Variants in ANKRD53 observed in about 807,000 individuals in gnomAD.
ANKRD53 encodes ankyrin repeat domain-containing protein 53.
A neutral mutation model predicts 30.1 loss-of-function variants in ANKRD53; 27 were observed. That is an observed-to-expected ratio of 0.90 (90% CI 0.66 to 1.24). ANKRD53 has a LOEUF of 1.24. ANKRD53 is among the 50% of genes most tolerant of loss of function. ANKRD53 has a pLI of 0.00. For missense variants in ANKRD53, 682 were observed against 721.0 expected (o/e 0.95, Z 0.62); for synonymous variants, 286 against 295.4 (o/e 0.97, Z 0.33).
rs35678252 is a variant in ANKRD53, at chr2:70,985,491, AC to A, written c.*198del. 61 of 569,114 alleles carry A rather than the reference AC, an allele frequency of 1.1e-4. No homozygotes were observed. Among genetic ancestry groups the A allele is most frequent in the African/African-American group, 7.9e-4 (41 of 51,686 alleles). 35.3% of individuals were successfully genotyped at this position (569,114 alleles called of 1,614,324 possible). On this transcript the variant is annotated 3_prime_UTR_variant, in exon 6 of 6. Coordinates refer to ENST00000360589, the MANE Select transcript of ANKRD53 (RefSeq NM_001115116.2). Reference sequence around the variant, plus strand: ...TTTCTCTGCAAATAAATCTCTTGGCACCCCCCCACCGCCGCCAGGAAATCCA... The same window carrying A: ...TTTCTCTGCAAATAAATCTCTTGGCACCCCCCACCGCCGCCAGGAAATCCA...
In ANKRD53 at chr2:70,984,919, G is replaced by A. The variant is rs1670130522; in HGVS notation, c.1212G>A (p.Gln404=). The change falls in exon 6 of 6, where the codon CAG becomes CAA. Residue 404 remains glutamine, a synonymous_variant. Transcript: ENST00000360589. ...CCACCACCCAGATCAGCCACTCGCA[G>A]GGCATCCGCCTGGGCGTGCATCCAG... is the stretch of plus-strand genomic sequence containing the variant. ...RPPTTQISHS[Q]GIRLGVHPDP... 1.3e-6 allele frequency: 2 copies of A among 1,550,918 alleles called. No homozygotes were observed. The highest frequency in any genetic ancestry group is 4.9e-5 in the East Asian group (2 of 40,890).
upstream of ANKRD53, chr2:70,978,557 G>C (rs1669893674): frequency 7.3e-7 from 1 of 1,370,776 alleles, no homozygotes. This position sits in a 1 kb window ranked among gnomAD's most constrained non-coding sequence, Gnocchi z 4.3. Flanking sequence ...GGAAACCGCG[G>C]CCAGCTGGCA....
upstream of ANKRD53, chr2:70,978,496 T>C: frequency 1.1e-6 from 1 of 944,546 alleles, no homozygotes; most frequent in Non-Finnish European, 1.5e-6. This position sits in a 1 kb window ranked among gnomAD's most constrained non-coding sequence, Gnocchi z 4.3. Flanking sequence ...CCCCGGGCTC[T>C]GCCCCTCCAG....
In ANKRD53 at chr2:70,978,889, C is replaced by G. The variant is rs1669909007; in HGVS notation, c.170+74C>G. 1 of 1,492,432 alleles carries G rather than the reference C, an allele frequency of 6.7e-7. No individual in the cohort carries two copies. Among genetic ancestry groups the G allele is most frequent in the East Asian group, 2.6e-5 (1 of 38,420 alleles). 92.4% of individuals were successfully genotyped at this position (1,492,432 alleles called of 1,614,324 possible). On this transcript the variant is annotated intron_variant, in intron 1 of 5. Transcript: ENST00000360589. This position sits in a 1 kb window ranked among gnomAD's most constrained non-coding sequence, Gnocchi z 4.3. ...CCAGCGCCTCCCTGGTGGGCAGGGC[C>G]TGGAGCGGGCGGGGGCGGAGGCTGC...
Position 70,984,891 on chromosome 2 carries a change from CCCCCACCA to C in ANKRD53, c.1188_1195del (p.Thr397AspfsTer30), listed in dbSNP as rs1325356760. On this transcript the variant is annotated frameshift_variant, in exon 6 of 6. Coordinates refer to ENST00000360589, the MANE Select transcript of ANKRD53 (RefSeq NM_001115116.2). LOFTEE classifies it low-confidence loss of function (END_TRUNC). The stretch of plus-strand genomic sequence containing the variant: ...AATGTTAGCAACAACCCCGCCAGAC[CCCCCACCA>C]CCCAGATCAGCCACTCGCAGGGCAT... The C allele has an allele frequency of 7.1e-6, 11 of 1,550,752 alleles. No homozygotes were observed. In the Middle Eastern group the frequency reaches 5.0e-4, roughly 70 times the overall value.
At chr2:70,979,997 C>T (rs1356561775) in intron 3 of ANKRD53, 137 bp downstream of exon 3, 9 of 978,274 alleles carry the variant, frequency 9.2e-6, no homozygotes, top group Non-Finnish European at 1.4e-5. Flanking sequence ...ATAAAGCAGT[C>T]AGGAATCCAC....
chr2:70,979,642 C>A lies in ANKRD53; in HGVS notation c.418-19C>A. ...CTCAGTCCCACTCAGCCTCCTCCTG[C>A]CTGCTCTGAACCTCACAGGGCTTCA... On this transcript the variant is annotated intron_variant, in intron 2 of 5. Coordinates refer to ENST00000360589, the MANE Select transcript of ANKRD53 (RefSeq NM_001115116.2). 1 of 1,609,014 alleles carries A rather than the reference C, an allele frequency of 6.2e-7. No homozygotes were observed. The highest frequency in any genetic ancestry group is 8.5e-7 in the Non-Finnish European group (1 of 1,177,516).
At chr2:70,978,467 G>A, upstream of ANKRD53, 1 of 631,204 alleles carries the variant, frequency 1.6e-6, no homozygotes, top group South Asian at 3.0e-5. The surrounding 1 kb of genome is among the most constrained non-coding windows in gnomAD (Gnocchi z 4.3). Context: ...AGCGGCAGGC[G>A]GGCAGGGTCC....
intron 3 of ANKRD53, 74 bp from the exon 4 acceptor site, chr2:70,981,862 T>A: frequency 4.2e-6 from 6 of 1,445,602 alleles, no homozygotes; most frequent in Non-Finnish European, 5.5e-6. Context: ...AACTGGTGTG[T>A]CCATCTATCT....
chr2:70,979,705 A>T lies in ANKRD53; in HGVS notation c.462A>T (p.Ala154=). The T allele has an allele frequency of 6.2e-7, 1 of 1,614,228 alleles. No individual in the cohort carries two copies. The highest frequency in any genetic ancestry group is 8.5e-7 in the Non-Finnish European group (1 of 1,180,020). Residue 154 remains alanine (A), a synonymous_variant, in exon 3 of 6, where the codon GCA becomes GCT. Coordinates refer to ENST00000360589, the MANE Select transcript of ANKRD53 (RefSeq NM_001115116.2). ...TCGCCGCCCAATGGGGCAAGCTTGC[A>T]TGCCTGCAGGTCCTGGTAGAGGAGT... ...IHFAAQWGKL[A]CLQVLVEEYK...
At position 70,982,567 on chromosome 2, in the gene ANKRD53, T is replaced by C. The variant is rs1004621168; in HGVS notation, c.783-10T>C. 3 of 1,613,998 alleles carry C rather than the reference T, an allele frequency of 1.9e-6. No homozygotes were observed. The highest frequency in any genetic ancestry group is 1.7e-5 in the Admixed American group (1 of 60,016). Reference sequence around the variant, plus strand: ...GTGGGATGACACCCCCGCCCTGACCTTGGCACCAGGTTCTTGAAGGATGCC... The same window carrying C: ...GTGGGATGACACCCCCGCCCTGACCCTGGCACCAGGTTCTTGAAGGATGCC... On this transcript the variant is annotated splice_polypyrimidine_tract_variant and intron_variant, in intron 4 of 5. Transcript: ENST00000360589. This position sits in a 1 kb window ranked among gnomAD's most constrained non-coding sequence, Gnocchi z 4.2.
chr2:70,978,643 G>T lies in ANKRD53; in HGVS notation c.-3G>T. The T allele has an allele frequency of 2.0e-6, 3 of 1,526,398 alleles. No individual in the cohort carries two copies. The highest frequency in any genetic ancestry group is 2.6e-6 in the Non-Finnish European group (3 of 1,137,834). The allele number at this position is 1,526,398 out of a possible 1,614,324, so 94.6% of individuals were successfully genotyped here. ...CGGCCCGGGTCCGAGTTCCAGCCCC[G>T]CGATGGCCTCCGCGGGCAGCACCGC... On this transcript the variant is annotated 5_prime_UTR_variant, in exon 1 of 6. Coordinates refer to ENST00000360589, the MANE Select transcript of ANKRD53 (RefSeq NM_001115116.2). The surrounding 1 kb of genome is among the most constrained non-coding windows in gnomAD (Gnocchi z 4.3).
rs1553422816 is a variant in ANKRD53 at position 70,978,704 on chromosome 2, G to C, written c.59G>C (p.Arg20Thr). 1.3e-6 allele frequency: 2 copies of C among 1,547,942 alleles called. No homozygotes were observed. The highest frequency in any genetic ancestry group is 2.0e-4 in the Middle Eastern group (1 of 4,890). ...RAGSGSWHSE[R>T]GEGRGARPQP... The stretch of plus-strand genomic sequence containing the variant: ...GGCTCCGGAAGCTGGCACTCAGAAA[G>C]GGGAGAAGGGAGAGGTGCTCGGCCG... The change falls in exon 1 of 6, where the codon AGG becomes ACG. Residue 20 changes from arginine (R) to threonine (T), a missense_variant. Coordinates refer to ENST00000360589, the MANE Select transcript of ANKRD53 (RefSeq NM_001115116.2). This position sits in a 1 kb window ranked among gnomAD's most constrained non-coding sequence, Gnocchi z 4.3.
In ANKRD53 at chr2:70,981,444, G is replaced by C. The variant is rs563429444; in HGVS notation, c.618-492G>C. On this transcript the variant is annotated intron_variant, in intron 3 of 5. Transcript: ENST00000360589. ...CTCTAAGGAGGTGACATTTAAATTG[G>C]AACCTGAAGACAGAGTGAGCCAGCC... Among the ~76,000 whole-genome samples the C allele has an allele frequency of 2.0e-5, 3 of 152,288 alleles. No homozygotes were observed. The East Asian group carries it at 5.8e-4, about 29-fold the overall frequency.
chr2:70,979,641 G>T lies in ANKRD53; in HGVS notation c.418-20G>T, dbSNP rs183343661. ...CCTCAGTCCCACTCAGCCTCCTCCT[G>T]CCTGCTCTGAACCTCACAGGGCTTC... On this transcript the variant is annotated intron_variant, in intron 2 of 5. Coordinates refer to ENST00000360589, the MANE Select transcript of ANKRD53 (RefSeq NM_001115116.2). 648 of 1,608,648 alleles carry T rather than the reference G, an allele frequency of 4.0e-4. No homozygotes were observed. Among genetic ancestry groups the T allele is most frequent in the Admixed American group, 5.7e-4 (34 of 59,338 alleles).
Position 70,982,135 on chromosome 2 carries a change from C to T in ANKRD53, c.782+35C>T. 2 of 1,559,726 alleles carry T rather than the reference C, an allele frequency of 1.3e-6. No individual in the cohort carries two copies. The highest frequency in any genetic ancestry group is 1.7e-6 in the Non-Finnish European group (2 of 1,150,240). On this transcript the variant is annotated intron_variant, in intron 4 of 5. Coordinates refer to ENST00000360589, the MANE Select transcript of ANKRD53 (RefSeq NM_001115116.2). The surrounding 1 kb of genome is among the most constrained non-coding windows in gnomAD (Gnocchi z 4.2). ...TGAGAACCACCTGGAGCCTGCCCAC[C>T]CCCTTCCCCTCCCCCAGCCTTTTCC... is the stretch of plus-strand genomic sequence containing the variant.
At chr2:70,983,130 T>C (rs1213529288) in intron 5 of ANKRD53, among the ~76,000 whole-genome samples, 1 of 152,104 alleles carries the variant, frequency 6.6e-6, no homozygotes, top group Non-Finnish European at 1.5e-5. Context: ...CAATATGTGG[T>C]CCCCACGCTC....
intron 3 of ANKRD53, among the ~76,000 whole-genome samples, chr2:70,980,957 T>C (rs952140112): frequency 5.3e-5 from 8 of 151,452 alleles, no homozygotes; most frequent in Admixed American, 5.3e-4. Flanking sequence ...AAAAAAAAAA[T>C]TAAAAAATAT....
chr2:70,979,727 G>C lies in ANKRD53; in HGVS notation c.484G>C (p.Glu162Gln), dbSNP rs781821704. 1.7e-5 allele frequency: 28 copies of C among 1,614,234 alleles called. No individual in the cohort carries two copies. The highest frequency in any genetic ancestry group is 2.3e-5 in the Non-Finnish European group (27 of 1,180,042). ...TGCATGCCTGCAGGTCCTGGTAGAG[G>C]AGTACAAGTTTCCCGTGGACCTGCT... Reference protein sequence around the residue: ...KLACLQVLVEEYKFPVDLLTN... With the variant: ...KLACLQVLVEQYKFPVDLLTN... The change falls in exon 3 of 6, where the codon GAG (glutamate) becomes CAG (glutamine). Residue 162 changes from glutamate to glutamine, a missense_variant. By Grantham distance (29) the Glu-to-Gln change is conservative (BLOSUM62 2). Transcript: ENST00000360589.
Sources: gnomAD v4.1 joint callset for allele counts (sites outside exome capture counted in the v4.1 genomes callset) on GRCh38, gnomAD v4.1.1 for gene constraint, Gnocchi (gnomAD v3.1) non-coding constraint, MANE v1.5 for transcripts, NCBI Gene and HGNC (gene_info 2026-07-23, HGNC 2026-07-21) for gene names.